The following LOXHD1 variants were observed in gnomAD, a reference collection of about 807,000 sequenced individuals.
LOXHD1 encodes lipoxygenase homology domain-containing protein 1.
LOXHD1 carries 205 observed loss-of-function variants against 248.2 expected under a neutral mutation model. The observed-to-expected ratio is 0.83, with a 90% CI of 0.74 to 0.93. The LOEUF (loss-of-function observed/expected upper bound fraction) is 0.93, where lower values mean the gene tolerates loss of function less well. LOXHD1 is among the 40% of genes least tolerant of loss of function. The probability of loss-of-function intolerance (pLI) is 0.00; values close to 1 mark genes in which losing one functional copy is unlikely to be tolerated. For synonymous variants in LOXHD1, 1,113 were observed against 1,162.8 expected (o/e 0.96, Z 0.87); for missense variants, 2,930 against 2,971.6 (o/e 0.99, Z 0.33).
chr18:46,496,511 C>G (rs61197058), intron 37 of LOXHD1, among the ~76,000 whole-genome samples: 7,107 of 152,106 alleles, frequency 0.047, 273 homozygotes, highest in East Asian at 0.2. Context: ...CATAAGGTAT[C>G]TTGAAAAAAA....
At chr18:46,593,167 A>G (rs974768127) in intron 10 of LOXHD1, among the ~76,000 whole-genome samples, 1 of 151,848 alleles carries the variant, frequency 6.6e-6, no homozygotes. Context: ...CTCTAGTTTT[A>G]TGCATAATGG....
chr18:46,492,529 G>A (rs557396691), intron 37 of LOXHD1, among the ~76,000 whole-genome samples: 8 of 152,206 alleles, frequency 5.3e-5, no homozygotes, highest in South Asian at 4.2e-4. Context: ...AACCACACCC[G>A]CAATTCAATT....
intron 37 of LOXHD1, among the ~76,000 whole-genome samples, chr18:46,498,003 C>T (rs1028331434): frequency 6.6e-6 from 1 of 152,226 alleles, no homozygotes; most frequent in Non-Finnish European, 1.5e-5. Context: ...GGATCACAAA[C>T]TAATCTACAA....
intron 18 of LOXHD1, 79 bp from the exon 19 acceptor site, chr18:46,560,624 G>A: frequency 2.2e-6 from 3 of 1,336,426 alleles, no homozygotes; most frequent in Non-Finnish European, 3.0e-6. Flanking sequence ...CCAACAAAGA[G>A]CCAGGCACAA....
chr18:46,488,348 T>C (rs2033216403), intron 38 of LOXHD1, among the ~76,000 whole-genome samples: 1 of 152,210 alleles, frequency 6.6e-6, no homozygotes, highest in Non-Finnish European at 1.5e-5. Flanking sequence ...GACACTGAGA[T>C]TTAGGGGTTT....
At chr18:46,570,962 TAGAC>T (rs1395501815) in intron 15 of LOXHD1, among the ~76,000 whole-genome samples, 3 of 152,086 alleles carry the variant, frequency 2.0e-5, no homozygotes, top group African/African-American at 7.2e-5. Context: ...GACAGTGACA[TAGAC>T]AGAGATACCC....
chr18:46,576,792 G>A (rs1262384289), intron 14 of LOXHD1, among the ~76,000 whole-genome samples: 1 of 152,172 alleles, frequency 6.6e-6, no homozygotes, highest in African/African-American at 2.4e-5. Context: ...GGTTGGTGGG[G>A]TGCTAAGTAA....
intron 39 of LOXHD1, among the ~76,000 whole-genome samples, chr18:46,484,250 T>C (rs1453172595): frequency 1.5e-4 from 23 of 152,012 alleles, no homozygotes; most frequent in Admixed American, 1.4e-3. Context: ...AGGTAGAGAT[T>C]TGAAGAAAAG....
intron 6 of LOXHD1, among the ~76,000 whole-genome samples, chr18:46,610,472 C>A (rs542159939): frequency 4.0e-5 from 6 of 150,872 alleles, no homozygotes; most frequent in African/African-American, 1.5e-4. Context: ...ATGGGTGCAG[C>A]AAACCAACAT....
intron 14 of LOXHD1, among the ~76,000 whole-genome samples, chr18:46,577,309 G>C (rs979417207): frequency 2.6e-5 from 4 of 152,274 alleles, no homozygotes; most frequent in Non-Finnish European, 5.9e-5. Flanking sequence ...GAAGTTAACA[G>C]GGAAGAGGTA....
chr18:46,477,391 T>C lies in LOXHD1; in HGVS notation c.*81A>G. ...CCCCCAGTGCCAATGCTAGAGGCTT[T>C]GAAGGGCTGCTGACCGCCAAGGTGG... On this transcript the variant is annotated 3_prime_UTR_variant, in exon 41 of 41. Transcript: ENST00000642948. 6.6e-7 allele frequency: 1 copy of C among 1,523,304 alleles called. No homozygotes were observed. The highest frequency in any genetic ancestry group is 8.8e-7 in the Non-Finnish European group (1 of 1,131,200). The allele number at this position is 1,523,304 out of a possible 1,614,324, so 94.4% of individuals were successfully genotyped here.
At chr18:46,575,708 T>G (rs191016623) in intron 14 of LOXHD1, among the ~76,000 whole-genome samples, 99 of 152,234 alleles carry the variant, frequency 6.5e-4, no homozygotes, top group African/African-American at 2.1e-3. Flanking sequence ...GATTTTGGAC[T>G]TCTGGCCTCC....
At chr18:46,558,925 C>G in intron 20 of LOXHD1, 1 of 364,552 alleles carries the variant, frequency 2.7e-6, no homozygotes, top group Non-Finnish European at 5.4e-6. Flanking sequence ...AGCTTATCCA[C>G]TGGGGCTTAG....
At chr18:46,596,483 C>G (rs562127236) in intron 8 of LOXHD1, among the ~76,000 whole-genome samples, 2 of 152,270 alleles carry the variant, frequency 1.3e-5, no homozygotes, top group South Asian at 2.1e-4. Flanking sequence ...ATGCAGGAAA[C>G]TAGGCCATGG....
chr18:46,557,864 T>A, intron 20 of LOXHD1: 1 of 1,188,776 alleles, frequency 8.4e-7, no homozygotes, highest in South Asian at 2.8e-5. Flanking sequence ...TGCAGGTGTG[T>A]GCATAATCTG....
In LOXHD1 at chr18:46,483,660, G is replaced by A. The variant is rs569341831; in HGVS notation, c.6268C>T (p.Arg2090Trp). 145 of 1,551,648 alleles carry A rather than the reference G, an allele frequency of 9.3e-5. No homozygotes were observed. The South Asian group carries it at 1.5e-3, about 16-fold the overall frequency. ...LCVGHLARED[R>W]FIPKRELAWH... The stretch of plus-strand genomic sequence containing the variant: ...GCAAGTTCTCTCTTGGGGATAAACC[G>A]GTCTTCCCTGGCAAGGTGGCCCACA... Residue 2090 changes from arginine (R) to tryptophan (W), a missense_variant, in exon 40 of 41, where the codon CGG (arginine) becomes TGG (tryptophan). By Grantham distance (101) the Arg-to-Trp change is moderately radical. Coordinates refer to ENST00000642948, the MANE Select transcript of LOXHD1 (RefSeq NM_001384474.1).
chr18:46,485,081 G>T lies in LOXHD1; in HGVS notation c.6120C>A (p.Gly2040=). The change falls in exon 39 of 41, where the codon GGC becomes GGA. Residue 2040 remains glycine (G), a synonymous_variant. Transcript: ENST00000642948. The part of the protein sequence containing the change: ...TRENVWLILE[G]RKNRSKEFLM... The stretch of plus-strand genomic sequence containing the variant: ...GAAACTCTTTGGATCGGTTCTTCCT[G>T]CCCTCCAGGATGAGCCAGACGTTCT... The T allele has an allele frequency of 1.9e-6, 3 of 1,550,370 alleles. No homozygotes were observed. Among genetic ancestry groups the T allele is most frequent in the Non-Finnish European group, 1.7e-6 (2 of 1,146,670 alleles).
At chr18:46,602,908 T>C (rs2038360154) in intron 7 of LOXHD1, among the ~76,000 whole-genome samples, 1 of 152,174 alleles carries the variant, frequency 6.6e-6, no homozygotes, top group South Asian at 2.1e-4. Context: ...CTGCTCTTCT[T>C]CTACCACTAG....
At chr18:46,579,011 A>G (rs1248086437) in intron 13 of LOXHD1, among the ~76,000 whole-genome samples, 1 of 152,214 alleles carries the variant, frequency 6.6e-6, no homozygotes, top group Non-Finnish European at 1.5e-5. Context: ...AAACAGGGGG[A>G]ACACCCAACA....
Sources: gnomAD v4.1 joint callset for allele counts (sites outside exome capture counted in the v4.1 genomes callset) on GRCh38, gnomAD v4.1.1 for gene constraint, MANE v1.5 for transcripts, NCBI Gene and HGNC (gene_info 2026-07-23, HGNC 2026-07-21) for gene names.